The following DNAH11 variants were observed in gnomAD, a reference collection of about 807,000 sequenced individuals.
The protein encoded by DNAH11 is dynein axonemal heavy chain 11.
DNAH11 carries 442 observed loss-of-function variants against 526.0 expected under a neutral mutation model. The observed-to-expected ratio is 0.84, with a 90% CI of 0.78 to 0.91. The LOEUF (loss-of-function observed/expected upper bound fraction) is 0.91. Among genes scored for constraint, DNAH11 ranks in the 40% least tolerant of loss-of-function variants. The pLI is 0.00. For synonymous variants in DNAH11, 2,461 were observed against 1,935.9 expected (o/e 1.27, Z -7.12); for missense variants, 6,989 against 5,448.7 (o/e 1.28, Z -8.90).
intron 14 of DNAH11, among the ~76,000 whole-genome samples, chr7:21,599,217 T>G (rs950166207): frequency 2.6e-5 from 4 of 152,208 alleles, no homozygotes; most frequent in Admixed American, 2.6e-4. Flanking sequence ...ATATAAACAT[T>G]CCTTTTTCTG....
intron 2 of DNAH11, among the ~76,000 whole-genome samples, chr7:21,550,184 T>C (rs901829697): frequency 2.0e-5 from 3 of 151,988 alleles, no homozygotes; most frequent in African/African-American, 7.3e-5. Flanking sequence ...GTATAGTGAG[T>C]TCACCCCAGT....
intron 62 of DNAH11, among the ~76,000 whole-genome samples, chr7:21,805,163 C>T (rs889601401): frequency 6.6e-6 from 1 of 152,222 alleles, no homozygotes; most frequent in Non-Finnish European, 1.5e-5. Flanking sequence ...GACCCCCACT[C>T]GTTCACACGC....
intron 8 of DNAH11, among the ~76,000 whole-genome samples, chr7:21,579,010 T>G (rs377461781): frequency 7.9e-5 from 12 of 152,340 alleles, no homozygotes; most frequent in African/African-American, 1.4e-4. Flanking sequence ...CTTTCAGCTA[T>G]GCCTTGAAAG....
intron 68 of DNAH11, among the ~76,000 whole-genome samples, chr7:21,858,559 A>C (rs1409956621): frequency 6.6e-6 from 1 of 152,222 alleles, no homozygotes; most frequent in East Asian, 1.9e-4. Context: ...GTTGGTACAC[A>C]CAACAACGTG....
At chr7:21,807,246 C>A (rs531097992) in intron 62 of DNAH11, among the ~76,000 whole-genome samples, 1 of 152,282 alleles carries the variant, frequency 6.6e-6, no homozygotes, top group South Asian at 2.1e-4. Context: ...CGCCTGTAAT[C>A]CCAGCACTTT....
At chr7:21,748,181 A>G (rs1273278247) in intron 51 of DNAH11, among the ~76,000 whole-genome samples, 1 of 152,198 alleles carries the variant, frequency 6.6e-6, no homozygotes, top group African/African-American at 2.4e-5. Context: ...ATTTATCTAA[A>G]GAATAAACAA....
intron 54 of DNAH11, among the ~76,000 whole-genome samples, chr7:21,755,092 T>G (rs1786570729): frequency 6.6e-6 from 1 of 152,142 alleles, no homozygotes; most frequent in African/African-American, 2.4e-5. Context: ...GATGTGAAGT[T>G]GCCACCCCAT....
At chr7:21,598,287 G>T (rs956151892) in intron 14 of DNAH11, among the ~76,000 whole-genome samples, 1 of 152,266 alleles carries the variant, frequency 6.6e-6, no homozygotes, top group Non-Finnish European at 1.5e-5. Context: ...TATAGACCAT[G>T]CAAGTTTAGC....
At chr7:21,714,377 C>G (rs1038888347) in intron 42 of DNAH11, among the ~76,000 whole-genome samples, 1 of 152,156 alleles carries the variant, frequency 6.6e-6, no homozygotes, top group Non-Finnish European at 1.5e-5. Context: ...GAAATCTTCT[C>G]TAGAAGGCGT....
At chr7:21,895,560 G>A (rs1203429303) in intron 79 of DNAH11, among the ~76,000 whole-genome samples, 1 of 152,090 alleles carries the variant, frequency 6.6e-6, no homozygotes, top group African/African-American at 2.4e-5. Context: ...ATTGCTCCTT[G>A]GTCTTGGCAA....
intron 28 of DNAH11, among the ~76,000 whole-genome samples, chr7:21,643,541 A>G (rs974344824): frequency 2.6e-5 from 4 of 152,192 alleles, no homozygotes; most frequent in African/African-American, 9.7e-5. Flanking sequence ...TGATTCTTAT[A>G]TGGCTACTGA....
Position 21,698,175 on chromosome 7 carries a change from A to G in DNAH11, c.6142A>G (p.Thr2048Ala). ...DARALARKFITLYTLCKELLS... is the reference protein window; with the variant it reads ...DARALARKFIALYTLCKELLS... ...GCGTGCATTAGCCCGAAAGTTCATTACGTTGTACACGCTTTGCAAGGAGCT... is the reference window on the plus strand; with the variant it reads ...GCGTGCATTAGCCCGAAAGTTCATTGCGTTGTACACGCTTTGCAAGGAGCT... The change falls in exon 36 of 82, where the codon ACG becomes GCG. Residue 2048 changes from threonine (T) to alanine (A), a missense_variant. Thr to Ala is a moderately conservative substitution (Grantham distance 58). Coordinates refer to ENST00000409508, the MANE Select transcript of DNAH11 (RefSeq NM_001277115.2). 1.2e-6 allele frequency: 2 copies of G among 1,613,668 alleles called. No individual in the cohort carries two copies. The highest frequency in any genetic ancestry group is 1.7e-6 in the Non-Finnish European group (2 of 1,179,710).
intron 55 of DNAH11, among the ~76,000 whole-genome samples, chr7:21,772,280 G>A (rs1787470245): frequency 6.6e-6 from 1 of 151,590 alleles, no homozygotes. Flanking sequence ...AGAGCTTTCA[G>A]CGCCTCCAAG....
At chr7:21,557,421 C>T (rs552379992) in intron 2 of DNAH11, among the ~76,000 whole-genome samples, 7 of 152,270 alleles carry the variant, frequency 4.6e-5, no homozygotes, top group African/African-American at 1.7e-4. Context: ...AGTTCAAAAT[C>T]AAGCCAGTAG....
intron 68 of DNAH11, among the ~76,000 whole-genome samples, chr7:21,859,288 A>G (rs1782968227): frequency 6.6e-6 from 1 of 152,036 alleles, no homozygotes; most frequent in Non-Finnish European, 1.5e-5. Flanking sequence ...TAAATTTTGT[A>G]TTTTTGGTAG....
At chr7:21,815,896 A>G (rs982640831) in intron 63 of DNAH11, among the ~76,000 whole-genome samples, 3 of 151,990 alleles carry the variant, frequency 2.0e-5, no homozygotes, top group Non-Finnish European at 4.4e-5. Flanking sequence ...TTACTTTGCA[A>G]CGCAATCAAG....
chr7:21,832,108 T>C (rs1562572364), intron 65 of DNAH11, among the ~76,000 whole-genome samples: 1 of 151,672 alleles, frequency 6.6e-6, no homozygotes, highest in East Asian at 1.9e-4. Context: ...AAAGCTTCTG[T>C]CACTTGCACC....
chr7:21,900,889 C>G lies in DNAH11; in HGVS notation c.13304-118C>G, dbSNP rs1784775894. On this transcript the variant is annotated intron_variant, in intron 81 of 81. Transcript: ENST00000409508. ...GCCAGCTCAGTAAAAATACCACTGACAAGCAAAAATATGACAAAACCAGAA... is the reference window on the plus strand; with the variant it reads ...GCCAGCTCAGTAAAAATACCACTGAGAAGCAAAAATATGACAAAACCAGAA... 4.1e-6 allele frequency: 6 copies of G among 1,466,080 alleles called. No homozygotes were observed. The Admixed American group carries it at 7.1e-5, about 17-fold the overall frequency. 90.8% of individuals were successfully genotyped at this position (1,466,080 alleles called of 1,614,324 possible).
At chr7:21,573,167 A>G (rs1382334234) in intron 8 of DNAH11, among the ~76,000 whole-genome samples, 1 of 152,236 alleles carries the variant, frequency 6.6e-6, no homozygotes, top group Non-Finnish European at 1.5e-5. Flanking sequence ...TACCTTGGCC[A>G]TGCCAAAGGT....
Sources: allele counts gnomAD v4.1 joint callset (sites outside exome capture counted in the v4.1 genomes callset), GRCh38; gene constraint gnomAD v4.1.1; transcripts MANE v1.5; gene names NCBI Gene and HGNC (gene_info 2026-07-23, HGNC 2026-07-21).